Variants in TULP1 observed in about 807,000 individuals in gnomAD.
TULP1 encodes TUB like protein 1.
In TULP1, 50 loss-of-function variants were observed where a neutral mutation model predicts 67.1. The observed-to-expected ratio is 0.75, with a 90% confidence interval of 0.59 to 0.94. TULP1 has a LOEUF of 0.94. TULP1 is among the 40% of genes least tolerant of loss of function. The pLI is 0.00. For missense variants in TULP1, 746 were observed against 734.1 expected, an observed-to-expected ratio of 1.02 and a Z score of -0.19; for synonymous variants, 297 against 294.0, an observed-to-expected ratio of 1.01 and a Z score of -0.11.
Position 35,500,138 on chromosome 6 carries a change from C to T in TULP1, c.1338G>A (p.Leu446=). Residue 446 remains leucine, a synonymous_variant, in exon 14 of 15, where the codon CTG becomes CTA. Transcript: ENST00000229771. ...PIRPRNASDG[L]LVRWQNKTLE... ...GCGTCTTGTTCTGCCAGCGCACCAGCAGGCCGTCACTAGCCTGGGGTGCCC... is the reference window on the plus strand; with the variant it reads ...GCGTCTTGTTCTGCCAGCGCACCAGTAGGCCGTCACTAGCCTGGGGTGCCC... 6.2e-7 allele frequency: 1 copy of T among 1,614,050 alleles called. No individual in the cohort carries two copies. The highest frequency in any genetic ancestry group is 8.5e-7 in the Non-Finnish European group (1 of 1,180,014).
At chr6:35,512,409 G>A in intron 2 of TULP1, 139 bp from the exon 3 acceptor site, 1 of 667,428 alleles carries the variant, frequency 1.5e-6, no homozygotes, top group South Asian at 2.0e-5. Context: ...TTGGAGTGAG[G>A]CAGGATGACC....
chr6:35,499,839 G>A, intron 14 of TULP1, 142 bp downstream of exon 14: 1 of 1,041,970 alleles, frequency 9.6e-7, no homozygotes, highest in Non-Finnish European at 1.5e-6. Flanking sequence ...GCCTATGGAG[G>A]AGAGAGTGAC....
At position 35,509,895 on chromosome 6, in the gene TULP1, G is replaced by A. The variant is rs760035013; in HGVS notation, c.533C>T (p.Pro178Leu). The A allele has an allele frequency of 6.2e-7, 1 of 1,613,954 alleles. No homozygotes were observed. The highest frequency in any genetic ancestry group is 8.5e-7 in the Non-Finnish European group (1 of 1,180,020). ...DLGSPDPPPK[P>L]LRVRNKEAPA... ...AGCTTCCTTATTCCTAACACGCAGA[G>A]GTTTCGGTGGGGGGTCAGGGCTTCC... The change falls in exon 6 of 15, where the codon CCT becomes CTT. Residue 178 changes from proline (P) to leucine (L), a missense_variant. Physicochemically the swap from Pro to Leu is moderately conservative, Grantham distance 98. This residue lies in a region of TULP1 where 359 missense variants were observed against 341.9 expected (regional missense o/e 1.05). Transcript: ENST00000229771.
chr6:35,509,123 A>G (rs977694574), intron 8 of TULP1, 86 bp downstream of exon 8: 6 of 1,221,950 alleles, frequency 4.9e-6, no homozygotes, highest in African/African-American at 4.5e-5. Flanking sequence ...AGTGGCTCCA[A>G]GCCCCCACCC....
At position 35,510,973 on chromosome 6, in the gene TULP1, T is replaced by TTCCTCGTCC. The variant is rs758969883; in HGVS notation, c.378_386dup (p.Asp127_Glu129dup). ...TCTCTTTCTTTTCCTCTGCCTCCTC[T>TTCCTCGTCC]TCCTCGTCCTCCTCGTCCTCCTCTT... On this transcript the variant is annotated inframe_insertion, in exon 5 of 15. Transcript: ENST00000229771. 1.9e-5 allele frequency: 30 copies of TTCCTCGTCC among 1,603,004 alleles called. No homozygotes were observed. Among genetic ancestry groups the TTCCTCGTCC allele is most frequent in the Middle Eastern group, 1.7e-4 (1 of 6,010 alleles).
At chr6:35,507,470 A>C (rs1188202462) in intron 8 of TULP1, among the ~76,000 whole-genome samples, 2 of 152,072 alleles carry the variant, frequency 1.3e-5, no homozygotes, top group African/African-American at 4.8e-5. Flanking sequence ...TTGTTTTAAG[A>C]TGCTCAGTTT....
In TULP1 at chr6:35,498,831, T is replaced by TC. The variant is rs1173500460; in HGVS notation, c.1496-372dup. ...TTTCCTCCTATCCCCAGCCACGAAG[T>TC]CCCACCTTAGACCCCAGCTCCACCC... On this transcript the variant is annotated intron_variant, in intron 14 of 14. Transcript: ENST00000229771. This position sits in a 1 kb window ranked among gnomAD's most constrained non-coding sequence, Gnocchi z 6.7. 1.3e-5 allele frequency among the ~76,000 whole-genome samples: 2 copies of TC among 152,096 alleles called. No homozygotes were observed. Among genetic ancestry groups the TC allele is most frequent in the African/African-American group, 2.4e-5 (1 of 41,404 alleles).
chr6:35,498,414 G>A lies in TULP1; in HGVS notation c.1542C>T (p.Phe514=), dbSNP rs149773530. The A allele has an allele frequency of 1.2e-6, 2 of 1,613,988 alleles. No homozygotes were observed. Among genetic ancestry groups the A allele is most frequent in the African/African-American group, 2.7e-5 (2 of 75,076 alleles). The change falls in exon 15 of 15, where the codon TTC becomes TTT. Residue 514 remains phenylalanine (F), a synonymous_variant. Transcript: ENST00000229771. This position sits in a 1 kb window ranked among gnomAD's most constrained non-coding sequence, Gnocchi z 6.7. ...LQFGRVAEDA[F]TLDYRYPLCA... ...ACAGCGGGTACCGGTAGTCTAGGGT[G>A]AAGGCGTCCTCCGCCACGCGGCCGA...
At position 35,498,545 on chromosome 6, in the gene TULP1, G is replaced by T; in HGVS notation, c.1496-85C>A. 6.3e-7 allele frequency: 1 copy of T among 1,587,926 alleles called. No homozygotes were observed. On this transcript the variant is annotated intron_variant, in intron 14 of 14. Transcript: ENST00000229771. The surrounding 1 kb of genome is among the most constrained non-coding windows in gnomAD (Gnocchi z 6.7). Reference sequence around the variant, plus strand: ...GACAGTGCCCTCAACCTTGGGGGCAGTCTGTCCCTTGCCTTGGGGCTCCAA... The same window carrying T: ...GACAGTGCCCTCAACCTTGGGGGCATTCTGTCCCTTGCCTTGGGGCTCCAA...
chr6:35,505,658 T>C, intron 11 of TULP1, 83 bp downstream of exon 11: 1 of 1,578,236 alleles, frequency 6.3e-7, no homozygotes, highest in Non-Finnish European at 8.6e-7. Flanking sequence ...GTGGGTGCTC[T>C]ACCAGGCACA....
At chr6:35,512,113 G>T in intron 3 of TULP1, 67 bp downstream of exon 3, 2 of 981,556 alleles carry the variant, frequency 2.0e-6, no homozygotes, top group Non-Finnish European at 2.7e-6. Flanking sequence ...ACCCGCGCCG[G>T]CCCTCAAGCC....
chr6:35,500,273 T>A, intron 13 of TULP1, 121 bp from the exon 14 acceptor site: 1 of 1,047,600 alleles, frequency 9.5e-7, no homozygotes, highest in East Asian at 2.4e-5. Context: ...GACATCTTCA[T>A]CCATTAGGGT....
At position 35,506,840 on chromosome 6, in the gene TULP1, C is replaced by T. The variant is rs183088707; in HGVS notation, c.823-561G>A. ...CAGAGCCTTTAGAAAGACCTTCCCT[C>T]CTTTGCACACTGTCTCAGGCAGTGA... On this transcript the variant is annotated intron_variant, in intron 8 of 14. Coordinates refer to ENST00000229771, the MANE Select transcript of TULP1 (RefSeq NM_003322.6). Among the ~76,000 whole-genome samples the T allele has an allele frequency of 1.2e-3, 178 of 152,272 alleles. 1 individual carries two copies. The highest frequency in any genetic ancestry group is 4.1e-3 in the African/African-American group (171 of 41,566).
chr6:35,504,927 C>T (rs1429497648), intron 11 of TULP1, among the ~76,000 whole-genome samples: 16 of 151,544 alleles, frequency 1.1e-4, no homozygotes, highest in Admixed American at 1.1e-3. Context: ...TTGTTAAATA[C>T]ATACATTTAT....
chr6:35,508,612 C>CT (rs1761127030), intron 8 of TULP1, among the ~76,000 whole-genome samples: 1 of 152,182 alleles, frequency 6.6e-6, no homozygotes, highest in African/African-American at 2.4e-5. Context: ...GTGTTGGTGT[C>CT]TGAGTCCTGT....
Position 35,505,871 on chromosome 6 carries a change from C to G in TULP1, c.1000-18G>C. On this transcript the variant is annotated intron_variant, in intron 10 of 14. Transcript: ENST00000229771. ...AGGAACACCTGGGGAAAAGGGGAGA[C>G]AGGTGAGAGGATGGGAAGAGAAGGT... is the stretch of plus-strand genomic sequence containing the variant. 1 of 1,614,146 alleles carries G rather than the reference C, an allele frequency of 6.2e-7. No individual in the cohort carries two copies. Among genetic ancestry groups the G allele is most frequent in the East Asian group, 2.2e-5 (1 of 44,886 alleles).
rs1456037429 is a variant in TULP1, at chr6:35,498,615, A to G, written c.1496-155T>C. Among the ~76,000 whole-genome samples, 1 of 152,070 alleles carries G rather than the reference A, an allele frequency of 6.6e-6. No individual in the cohort carries two copies. The highest frequency in any genetic ancestry group is 1.5e-5 in the Non-Finnish European group (1 of 68,026). ...TTACTCAACACCCATCCCTTCTTCT[A>G]TCTCACTCCACACCAGCACCACGTG... On this transcript the variant is annotated intron_variant, in intron 14 of 14. Coordinates refer to ENST00000229771, the MANE Select transcript of TULP1 (RefSeq NM_003322.6). This position sits in a 1 kb window ranked among gnomAD's most constrained non-coding sequence, Gnocchi z 6.7.
chr6:35,511,162 A>G (rs963179281), intron 4 of TULP1, 152 bp from the exon 5 acceptor site: 28 of 1,495,984 alleles, frequency 1.9e-5, no homozygotes, highest in East Asian at 2.3e-5. Flanking sequence ...GCACCTTCCC[A>G]GAAGAATGAG....
chr6:35,509,918 T>A lies in TULP1; in HGVS notation c.510A>T (p.Gly170=), dbSNP rs1193301509. 6.2e-7 allele frequency: 1 copy of A among 1,613,794 alleles called. No individual in the cohort carries two copies. The highest frequency in any genetic ancestry group is 8.5e-7 in the Non-Finnish European group (1 of 1,179,996). ...GAGGTTTCGGTGGGGGGTCAGGGCT[T>A]CCCAGGTCTCCTGGAAATGGAAGAT... ...AKAQGPRGDL[G]SPDPPPKPLR... Residue 170 remains glycine (G), a synonymous_variant, in exon 6 of 15, where the codon GGA becomes GGT. Coordinates refer to ENST00000229771, the MANE Select transcript of TULP1 (RefSeq NM_003322.6).
Sources: allele counts gnomAD v4.1 joint callset (sites outside exome capture counted in the v4.1 genomes callset), GRCh38; gene constraint gnomAD v4.1.1; regional missense constraint gnomAD v4.1.1; non-coding constraint Gnocchi (gnomAD v3.1); transcripts MANE v1.5; gene names NCBI Gene and HGNC (gene_info 2026-07-23, HGNC 2026-07-21).